CNTLN: variants seen among roughly 807,000 people sequenced by gnomAD.
CNTLN encodes the protein centlein.
A neutral mutation model predicts 180.0 loss-of-function variants in CNTLN; 212 were observed. That is an observed-to-expected ratio of 1.18 (90% CI 1.05 to 1.32). The LOEUF is 1.32. Among genes scored for constraint, CNTLN ranks in the 40% most tolerant of loss-of-function variants. CNTLN has a pLI of 0.00. For missense variants in CNTLN, 2,095 were observed against 1,610.9 expected (o/e 1.30, Z -5.14); for synonymous variants, 722 against 563.1 (o/e 1.28, Z -3.99).
At chr9:17,214,611 G>T (rs933038053) in intron 2 of CNTLN, among the ~76,000 whole-genome samples, 1 of 152,286 alleles carries the variant, frequency 6.6e-6, no homozygotes, top group South Asian at 2.1e-4. Flanking sequence ...TGCCTCACTA[G>T]GTTGGGGAAG....
rs1291068769 is a variant in CNTLN, at chr9:17,445,833, T to A, written c.3115-11691T>A. 2.6e-5 allele frequency among the ~76,000 whole-genome samples: 4 copies of A among 152,148 alleles called. No individual in the cohort carries two copies. In the East Asian group the frequency reaches 7.7e-4, roughly 29 times the overall value. Reference sequence around the variant, plus strand: ...AAAGAGGAAGGAACGCCTCTTGCAGTTGAGACAAGAGGAAGGCATCTGTCT... The same window carrying A: ...AAAGAGGAAGGAACGCCTCTTGCAGATGAGACAAGAGGAAGGCATCTGTCT... On this transcript the variant is annotated intron_variant, in intron 18 of 25. Coordinates refer to ENST00000380647, the MANE Select transcript of CNTLN (RefSeq NM_017738.4).
chr9:17,377,398 G>A lies in CNTLN; in HGVS notation c.1987+10681G>A, dbSNP rs753353649. Among the ~76,000 whole-genome samples the A allele has an allele frequency of 3.5e-4, 53 of 152,122 alleles. 1 individual carries two copies. The highest frequency in any genetic ancestry group is 8.3e-4 in the South Asian group (4 of 4,814). ...TCTACTAAAAATACAGAAATTAGCCGGGCGTAGTGGTGCGTGCTTGTAATC... is the reference window on the plus strand; with the variant it reads ...TCTACTAAAAATACAGAAATTAGCCAGGCGTAGTGGTGCGTGCTTGTAATC... On this transcript the variant is annotated intron_variant, in intron 13 of 25. Transcript: ENST00000380647.
intron 2 of CNTLN, among the ~76,000 whole-genome samples, chr9:17,202,152 G>C (rs1291206362): frequency 1.3e-5 from 2 of 152,178 alleles, no homozygotes; most frequent in East Asian, 3.8e-4. Flanking sequence ...TTTTGAATGA[G>C]TTTCTTCATC....
At chr9:17,254,929 T>C (rs1468534253) in intron 5 of CNTLN, among the ~76,000 whole-genome samples, 1 of 151,780 alleles carries the variant, frequency 6.6e-6, no homozygotes, top group Non-Finnish European at 1.5e-5. Context: ...ATGAGATGTC[T>C]TTCCATTTAT....
chr9:17,442,343 T>C (rs1830159971), intron 18 of CNTLN, among the ~76,000 whole-genome samples: 2 of 152,178 alleles, frequency 1.3e-5, no homozygotes, highest in Non-Finnish European at 2.9e-5. Flanking sequence ...GGTATGAAGC[T>C]AAAGAGCAAT....
rs2593396 is a variant in CNTLN at position 17,417,028 on chromosome 9, T to C, written c.3114+839T>C. Among the ~76,000 whole-genome samples the C allele has an allele frequency of 8.4e-3, 1,278 of 152,110 alleles. 14 individuals are homozygous for C. Among genetic ancestry groups the C allele is most frequent in the African/African-American group, 0.028 (1,177 of 41,470 alleles). On this transcript the variant is annotated intron_variant, in intron 18 of 25. Coordinates refer to ENST00000380647, the MANE Select transcript of CNTLN (RefSeq NM_017738.4). ...ATGGTGAAGGATTAGTGTTATGCCA[T>C]TTAAGAATTGTGTTCTGACTTTATT...
intron 18 of CNTLN, among the ~76,000 whole-genome samples, chr9:17,426,122 G>C (rs1294021675): frequency 1.3e-5 from 2 of 152,160 alleles, no homozygotes; most frequent in African/African-American, 4.8e-5. Flanking sequence ...GCAACCAGCT[G>C]GGTCTAAAGG....
chr9:17,526,372 G>C, the CNTLN span, among the ~76,000 whole-genome samples: 2 of 152,154 alleles, frequency 1.3e-5, no homozygotes, highest in African/African-American at 4.8e-5. Context: ...TACTATAAGA[G>C]ACTTTGTCTA....
chr9:17,262,565 T>A (rs1827076754), intron 5 of CNTLN, among the ~76,000 whole-genome samples: 1 of 151,282 alleles, frequency 6.6e-6, no homozygotes, highest in South Asian at 2.1e-4. Context: ...CATACACTGA[T>A]GCCTGTTGTG....
chr9:17,324,007 T>A (rs1820099745), intron 8 of CNTLN, among the ~76,000 whole-genome samples: 1 of 152,198 alleles, frequency 6.6e-6, no homozygotes, highest in Non-Finnish European at 1.5e-5. Flanking sequence ...TACAGGCTAT[T>A]ATGGAATGCA....
intron 6 of CNTLN, among the ~76,000 whole-genome samples, chr9:17,293,576 G>A (rs1817562279): frequency 6.6e-6 from 1 of 152,214 alleles, no homozygotes; most frequent in South Asian, 2.1e-4. Context: ...CATAGCCACT[G>A]TGAGTGCTGT....
chr9:17,227,623 C>A (rs1366091073), intron 3 of CNTLN, among the ~76,000 whole-genome samples: 4 of 151,808 alleles, frequency 2.6e-5, no homozygotes, highest in Non-Finnish European at 5.9e-5. Flanking sequence ...GAACTTTGAT[C>A]TAGGATCAGT....
intron 21 of CNTLN, among the ~76,000 whole-genome samples, chr9:17,464,898 T>A (rs535166525): frequency 6.6e-6 from 1 of 151,228 alleles, no homozygotes; most frequent in African/African-American, 2.4e-5. Flanking sequence ...GATACATAAT[T>A]ACATTTTATT....
At position 17,295,997 on chromosome 9, in the gene CNTLN, AGTGTGTGTGTGTGT is replaced by A. The variant is rs66515360; in HGVS notation, c.984-2164_984-2151del. ...GAGAGAGAGAGAGAGAGAGAGAGAG[AGTGTGTGTGTGTGT>A]GTGTGTGTGTGTGTGTGTGTGTGTG... is the stretch of plus-strand genomic sequence containing the variant. On this transcript the variant is annotated intron_variant, in intron 6 of 25. Coordinates refer to ENST00000380647, the MANE Select transcript of CNTLN (RefSeq NM_017738.4). Among the ~76,000 whole-genome samples, 42 of 91,342 alleles carry A rather than the reference AGTGTGTGTGTGTGT, an allele frequency of 4.6e-4. No homozygotes were observed. The South Asian group carries it at 4.9e-3, about 11-fold the overall frequency. The allele number at this position is 91,342 out of a possible 152,430, so 59.9% of individuals were successfully genotyped here.
intron 10 of CNTLN, among the ~76,000 whole-genome samples, chr9:17,338,731 A>T (rs1032391217): frequency 6.6e-6 from 1 of 152,018 alleles, no homozygotes; most frequent in Non-Finnish European, 1.5e-5. Context: ...AATATGAAAA[A>T]CTCAAGTTCA....
chr9:17,244,751 T>C (rs1380076498), intron 5 of CNTLN, among the ~76,000 whole-genome samples: 1 of 152,156 alleles, frequency 6.6e-6, no homozygotes, highest in Non-Finnish European at 1.5e-5. Context: ...TTAGTAAAGG[T>C]GATTTTCTCT....
chr9:17,235,408 GCTTT>G (rs537624389), intron 3 of CNTLN, among the ~76,000 whole-genome samples: 8 of 152,056 alleles, frequency 5.3e-5, no homozygotes, highest in Admixed American at 3.3e-4. Flanking sequence ...TTGAAAATTT[GCTTT>G]CTGAGTATGA....
chr9:17,262,506 T>A (rs1333126874), intron 5 of CNTLN, among the ~76,000 whole-genome samples: 1 of 151,320 alleles, frequency 6.6e-6, no homozygotes, highest in Non-Finnish European at 1.5e-5. Context: ...TTCTCACTCA[T>A]AAGTGGGAGT....
At chr9:17,485,388 G>T (rs1832841404) in intron 24 of CNTLN, among the ~76,000 whole-genome samples, 1 of 152,078 alleles carries the variant, frequency 6.6e-6, no homozygotes, top group South Asian at 2.1e-4. Flanking sequence ...TAGTTAAAAG[G>T]AATCCTACAG....
Sources: allele counts gnomAD v4.1 joint callset (sites outside exome capture counted in the v4.1 genomes callset), GRCh38; gene constraint gnomAD v4.1.1; transcripts MANE v1.5; gene names NCBI Gene and HGNC (gene_info 2026-07-23, HGNC 2026-07-21).